Variants in TNR observed in about 807,000 individuals in gnomAD.
The protein encoded by TNR is tenascin-R.
Under a neutral mutation model 150.4 loss-of-function variants are expected in TNR, and 45 were observed. That is an observed-to-expected ratio of 0.30 (90% CI 0.24 to 0.38). TNR has a LOEUF of 0.38. Ranked by LOEUF, TNR falls within the 10% of genes least tolerant of loss-of-function variation. The pLI, the probability that TNR is intolerant of heterozygous loss-of-function variation, is 1.00. For synonymous variants in TNR, 687 were observed against 678.4 expected (o/e 1.01, Z -0.20); for missense variants, 1,544 against 1,759.1 (o/e 0.88, Z 2.19).
intron 1 of TNR, among the ~76,000 whole-genome samples, chr1:175,725,060 T>C (rs906221442): frequency 1.3e-5 from 2 of 152,198 alleles, no homozygotes; most frequent in Non-Finnish European, 1.5e-5. Flanking sequence ...CTAAGATCAA[T>C]GGGAAGTGCT....
chr1:175,393,516 G>A (rs888159921), intron 6 of TNR, among the ~76,000 whole-genome samples: 1 of 152,192 alleles, frequency 6.6e-6, no homozygotes, highest in African/African-American at 2.4e-5. Context: ...TCTCAGCAGA[G>A]AGCTGGAGCT....
intron 12 of TNR, among the ~76,000 whole-genome samples, chr1:175,364,366 T>C (rs1651740876): frequency 6.6e-6 from 1 of 151,634 alleles, no homozygotes; most frequent in African/African-American, 2.4e-5. Flanking sequence ...ACAGAGTTGA[T>C]CAGCTAAGTG....
rs1275182427 is a variant in TNR, at chr1:175,316,909, C to T, written c.*6448G>A. On this transcript the variant is annotated 3_prime_UTR_variant, in exon 23 of 23. Coordinates refer to ENST00000367674, the MANE Select transcript of TNR (RefSeq NM_003285.3). Reference sequence around the variant, plus strand: ...AAGTCAGAAGAAGTGGCATCAAAGCCCCCTTGTAAGAATATTAGTAAAATC... The same window carrying T: ...AAGTCAGAAGAAGTGGCATCAAAGCTCCCTTGTAAGAATATTAGTAAAATC... 1 of 152,124 alleles carries T rather than the reference C, an allele frequency of 6.6e-6. No homozygotes were observed. Among genetic ancestry groups the T allele is most frequent in the African/African-American group, 2.4e-5 (1 of 41,418 alleles). The allele number at this position is 152,124 out of a possible 1,614,324, so 9.4% of individuals were successfully genotyped here. A position where few individuals can be genotyped will look rare whatever the true frequency, so the allele number is the denominator to read the frequency against.
chr1:175,414,284 G>GAA (rs138359481), intron 2 of TNR, among the ~76,000 whole-genome samples: 1 of 145,390 alleles, frequency 6.9e-6, no homozygotes, highest in South Asian at 2.1e-4. Flanking sequence ...AGAGAAGGAA[G>GAA]AAAAAAAAAA....
rs565283178 is a variant in TNR at position 175,491,855 on chromosome 1, T to G, written c.-64+36414A>C. ...TAGTAGAGACGGGGTTTCACTGTGT[T>G]AGCCAGGATGGTCTCGATCTCCTGA... On this transcript the variant is annotated intron_variant, in intron 2 of 22. Transcript: ENST00000367674. Among the ~76,000 whole-genome samples, 5 of 152,174 alleles carry G rather than the reference T, an allele frequency of 3.3e-5. No homozygotes were observed. The South Asian group carries it at 8.3e-4, about 25-fold the overall frequency.
intron 1 of TNR, among the ~76,000 whole-genome samples, chr1:175,575,655 G>A (rs377136116): frequency 2.6e-5 from 4 of 152,316 alleles, no homozygotes; most frequent in African/African-American, 9.6e-5. Context: ...CTTTGTGGAG[G>A]TTTGGACTTG....
intron 2 of TNR, among the ~76,000 whole-genome samples, chr1:175,442,243 A>G (rs1299424547): frequency 6.6e-6 from 1 of 152,124 alleles, no homozygotes; most frequent in African/African-American, 2.4e-5. Context: ...AGCAATTCAT[A>G]GAATTTGCTG....
chr1:175,611,111 A>G (rs1327129895), intron 1 of TNR, among the ~76,000 whole-genome samples: 5 of 152,026 alleles, frequency 3.3e-5, no homozygotes, highest in Admixed American at 6.6e-5. Context: ...CTTCACTGAT[A>G]TATATTCTTC....
At chr1:175,323,870 C>T (rs546443013) in intron 22 of TNR, among the ~76,000 whole-genome samples, 30 of 152,200 alleles carry the variant, frequency 2.0e-4, no homozygotes, top group African/African-American at 6.7e-4. Flanking sequence ...GTGACAAACC[C>T]TTTTGGTTTG....
intron 2 of TNR, among the ~76,000 whole-genome samples, chr1:175,513,609 T>C (rs1376772866): frequency 1.3e-5 from 2 of 152,194 alleles, no homozygotes; most frequent in African/African-American, 4.8e-5. Flanking sequence ...AGTAACATCA[T>C]CAAATATCAG....
At chr1:175,358,514 G>A (rs999162069) in intron 15 of TNR, among the ~76,000 whole-genome samples, 3 of 152,168 alleles carry the variant, frequency 2.0e-5, no homozygotes, top group African/African-American at 7.2e-5. Flanking sequence ...TTGACAATAA[G>A]TTTACTTCTT....
chr1:175,397,644 A>G (rs1016594641), intron 4 of TNR, among the ~76,000 whole-genome samples: 3 of 152,210 alleles, frequency 2.0e-5, no homozygotes, highest in African/African-American at 7.2e-5. Flanking sequence ...TTTAAAGACC[A>G]CTTATGTTCT....
chr1:175,565,526 A>G (rs1049300891), intron 1 of TNR, among the ~76,000 whole-genome samples: 1 of 152,220 alleles, frequency 6.6e-6, no homozygotes, highest in Admixed American at 6.5e-5. Context: ...CCAACCCTAG[A>G]AAATGTCCTC....
intron 1 of TNR, among the ~76,000 whole-genome samples, chr1:175,634,239 C>A (rs1057140590): frequency 1.3e-5 from 2 of 152,180 alleles, no homozygotes; most frequent in Admixed American, 1.3e-4. Flanking sequence ...GAATGATTGT[C>A]TTTCTGTGTA....
chr1:175,356,430 T>G lies in TNR; in HGVS notation c.3007A>C (p.Ser1003Arg). Residue 1003 changes from serine (S) to arginine (R), a missense_variant, in exon 16 of 23, where the codon AGT (serine) becomes CGT (arginine). Coordinates refer to ENST00000367674, the MANE Select transcript of TNR (RefSeq NM_003285.3). ...AGGTCAACAAGCCGAAATTCCTCAC[T>G]GACTCCGTCAACAAGGATGGTCTCT... is the stretch of plus-strand genomic sequence containing the variant. ...AGETILVDGV[S>R]EEFRLVDLLP... 1.2e-6 allele frequency: 2 copies of G among 1,614,038 alleles called. No homozygotes were observed. The highest frequency in any genetic ancestry group is 1.7e-6 in the Non-Finnish European group (2 of 1,179,932).
At chr1:175,710,337 G>A (rs1025844058) in intron 1 of TNR, among the ~76,000 whole-genome samples, 1 of 152,116 alleles carries the variant, frequency 6.6e-6, no homozygotes, top group Non-Finnish European at 1.5e-5. Context: ...TGAGCTGTGG[G>A]CATGGAGCAG....
At chr1:175,366,548 C>G (rs780016636) in intron 10 of TNR, among the ~76,000 whole-genome samples, 15 of 152,248 alleles carry the variant, frequency 9.9e-5, no homozygotes, top group Non-Finnish European at 2.2e-4. Context: ...GCTATTTTGA[C>G]TTGTTCTAAC....
rs775717724 is a variant in TNR at position 175,672,053 on chromosome 1, A to C, written c.-165+71173T>G. 4.5e-4 allele frequency among the ~76,000 whole-genome samples: 69 copies of C among 152,210 alleles called. 1 individual carries two copies. The highest frequency in any genetic ancestry group is 1.5e-3 in the South Asian group (7 of 4,820). On this transcript the variant is annotated intron_variant, in intron 1 of 22. Coordinates refer to ENST00000367674, the MANE Select transcript of TNR (RefSeq NM_003285.3). ...AGAACCCCAATAAATATTTGAATAA[A>C]GAGATGGATGGATAGATTCAAATTG...
At chr1:175,565,575 A>G (rs1661608935) in intron 1 of TNR, among the ~76,000 whole-genome samples, 1 of 152,180 alleles carries the variant, frequency 6.6e-6, no homozygotes, top group South Asian at 2.1e-4. Context: ...AAATCGGAAC[A>G]CTTATACATT....
Sources: allele counts gnomAD v4.1 joint callset (sites outside exome capture counted in the v4.1 genomes callset), GRCh38; gene constraint gnomAD v4.1.1; transcripts MANE v1.5; gene names NCBI Gene and HGNC (gene_info 2026-07-23, HGNC 2026-07-21).